Variants in TMEM9B observed in about 807,000 individuals in gnomAD.
The protein encoded by TMEM9B is TMEM9 domain family member B.
Under a neutral mutation model 23.5 loss-of-function variants are expected in TMEM9B, and 8 were observed. That is an observed-to-expected ratio of 0.34 (90% confidence interval 0.20 to 0.61). The LOEUF is 0.61. Ranked by LOEUF, TMEM9B falls within the 20% of genes least tolerant of loss-of-function variation. TMEM9B has a pLI of 0.78. For synonymous variants in TMEM9B, 106 were observed against 96.3 expected, an observed-to-expected ratio of 1.10 and a Z score of -0.59; for missense variants, 197 against 252.3, an observed-to-expected ratio of 0.78 and a Z score of 1.49.
Position 8,953,321 on chromosome 11 carries a change from T to G in TMEM9B, c.323A>C (p.Tyr108Ser), listed in dbSNP as rs975355453. ...SVTIKVTIII[Y>S]LSILGLLLLY... Reference sequence around the variant, plus strand: ...AAGTAGAAGGCCCAAAATGGAGAGATAAATTATAATGGTAACCTAAAGGAA... The same window carrying G: ...AAGTAGAAGGCCCAAAATGGAGAGAGAAATTATAATGGTAACCTAAAGGAA... Residue 108 changes from tyrosine to serine, a missense_variant, in exon 4 of 5, where the codon TAT (tyrosine) becomes TCT (serine). Tyr to Ser is a moderately radical substitution (Grantham distance 144). This residue lies in a region of TMEM9B where 141 missense variants were observed against 214.1 expected (regional missense o/e 0.66). Transcript: ENST00000534025. 4.3e-6 allele frequency: 7 copies of G among 1,613,834 alleles called. No homozygotes were observed. Among genetic ancestry groups the G allele is most frequent in the Admixed American group, 1.7e-5 (1 of 60,018 alleles).
chr11:8,964,121 G>C (rs1854138634), intron 1 of TMEM9B, 88 bp downstream of exon 1: 3 of 1,331,406 alleles, frequency 2.3e-6, no homozygotes, highest in Non-Finnish European at 3.1e-6. Flanking sequence ...TCAGGAATGG[G>C]CCAAGGAGCA....
At position 8,948,182 on chromosome 11, in the gene TMEM9B, T is replaced by G. The variant is rs1853807153; in HGVS notation, c.*138A>C. On this transcript the variant is annotated 3_prime_UTR_variant, in exon 5 of 5. Coordinates refer to ENST00000534025, the MANE Select transcript of TMEM9B (RefSeq NM_020644.3). ...TAACAAGAAAAAAAAATCAAGCAAG[T>G]TTTTGCTTCCAGTTTTGAATCTTCC... 8.9e-7 allele frequency: 1 copy of G among 1,125,832 alleles called. No individual in the cohort carries two copies. Among genetic ancestry groups the G allele is most frequent in the African/African-American group, 1.6e-5 (1 of 64,366 alleles). 69.7% of individuals were successfully genotyped at this position (1,125,832 alleles called of 1,614,324 possible).
rs1589943564 is a variant in TMEM9B at position 8,950,662 on chromosome 11, T to G, written c.442-2187A>C. ...ATTTACCCTTTTTATGTTTGTTCTT[T>G]TCACACCTGATAAAATTACAATAAA... On this transcript the variant is annotated intron_variant, in intron 4 of 4. Transcript: ENST00000534025. Among the ~76,000 whole-genome samples the G allele has an allele frequency of 2.0e-5, 3 of 152,332 alleles. No individual in the cohort carries two copies. In the Middle Eastern group the frequency reaches 0.01, roughly 518 times the overall value.
At position 8,948,385 on chromosome 11, in the gene TMEM9B, G is replaced by T. The variant is rs1389802869; in HGVS notation, c.532C>A (p.Arg178Ser). The change falls in exon 5 of 5, where the codon CGC becomes AGC. Residue 178 changes from arginine (R) to serine (S), a missense_variant. Arg to Ser is a moderately radical substitution (Grantham distance 110, BLOSUM62 -1). This residue lies in a region of TMEM9B where 141 missense variants were observed against 214.1 expected (regional missense o/e 0.66). Coordinates refer to ENST00000534025, the MANE Select transcript of TMEM9B (RefSeq NM_020644.3). ...VLNKVEYAQQ[R>S]WKLQVQEQRK... is the part of the protein sequence containing the mutation. ...TGCTCTTGGACTTGAAGCTTCCAGC[G>T]CTGCTGTGCATATTCTACCTTGTTC... 1 of 1,614,088 alleles carries T rather than the reference G, an allele frequency of 6.2e-7. No homozygotes were observed. Among genetic ancestry groups the T allele is most frequent in the Non-Finnish European group, 8.5e-7 (1 of 1,180,052 alleles).
chr11:8,964,181 G>GT, intron 1 of TMEM9B, 28 bp downstream of exon 1: 1 of 1,552,442 alleles, frequency 6.4e-7, no homozygotes, highest in East Asian at 2.4e-5. Flanking sequence ...AGGAGCTTCC[G>GT]TCAGGAGCGA....
chr11:8,960,138 G>GTTTT (rs10550659), intron 2 of TMEM9B, among the ~76,000 whole-genome samples: 3 of 83,686 alleles, frequency 3.6e-5, no homozygotes, highest in African/African-American at 1.3e-4. Flanking sequence ...CTTTGTTTCT[G>GTTTT]TTTTTTTTTT....
chr11:8,948,099 A>G lies in TMEM9B; in HGVS notation c.*221T>C. 2.2e-6 allele frequency: 1 copy of G among 444,606 alleles called. No homozygotes were observed. Among genetic ancestry groups the G allele is most frequent in the East Asian group, 3.8e-5 (1 of 26,322 alleles). The allele number at this position is 444,606 out of a possible 1,614,324, so 27.5% of individuals were successfully genotyped here. ...TTATTAGTAAAAGTCACAAATAGGA[A>G]AAGACTTATTGGCTGACTTTGAGCT... is the stretch of plus-strand genomic sequence containing the variant. On this transcript the variant is annotated 3_prime_UTR_variant, in exon 5 of 5. Transcript: ENST00000534025.
chr11:8,964,501 C>A (rs2568091), upstream of TMEM9B: 300,837 of 1,408,596 alleles, frequency 0.21, 35,855 homozygotes, highest in East Asian at 0.46. Flanking sequence ...CGCCCCGGAA[C>A]CGGTTACCAG....
At chr11:8,955,272 AC>A (rs1287831322) in intron 3 of TMEM9B, among the ~76,000 whole-genome samples, 1 of 151,922 alleles carries the variant, frequency 6.6e-6, no homozygotes, top group African/African-American at 2.4e-5. Flanking sequence ...ATACTCCACA[AC>A]CTTTTTGGCA....
At chr11:8,964,791 A>G (rs1461025911), upstream of TMEM9B, 3 of 159,112 alleles carry the variant, frequency 1.9e-5, no homozygotes, top group South Asian at 4.9e-4. Context: ...GCGGGTGCTG[A>G]GCGTGGAAAC....
intron 3 of TMEM9B, among the ~76,000 whole-genome samples, chr11:8,954,931 C>T (rs1342765803): frequency 6.6e-6 from 1 of 151,862 alleles, no homozygotes; most frequent in South Asian, 2.1e-4. Flanking sequence ...GATGGGTGGA[C>T]CACGAGGTCA....
intron 4 of TMEM9B, among the ~76,000 whole-genome samples, chr11:8,952,319 C>CGT (rs139281160): frequency 0.26 from 39,102 of 148,666 alleles, 5,849 homozygotes; most frequent in African/African-American, 0.42. Context: ...AATGTACACA[C>CGT]GTGTGTGTGT....
intron 1 of TMEM9B, 128 bp downstream of exon 1, chr11:8,964,081 G>A (rs1488570930): frequency 2.1e-6 from 2 of 930,930 alleles, no homozygotes; most frequent in Non-Finnish European, 3.1e-6. Context: ...GCGGGGGTCT[G>A]CCGGAGCTGT....
At chr11:8,953,454 C>A in intron 3 of TMEM9B, 117 bp from the exon 4 acceptor site, 1 of 958,562 alleles carries the variant, frequency 1.0e-6, no homozygotes. Flanking sequence ...TCTATACAAA[C>A]CAGATAGCAA....
intron 2 of TMEM9B, 55 bp downstream of exon 2, chr11:8,962,037 C>G (rs531453707): frequency 1.1e-5 from 12 of 1,134,076 alleles, no homozygotes; most frequent in Non-Finnish European, 1.5e-5. Context: ...TCTGGGATAA[C>G]ACTGACAACC....
chr11:8,961,709 C>T (rs567748853), intron 2 of TMEM9B, among the ~76,000 whole-genome samples: 25 of 152,330 alleles, frequency 1.6e-4, no homozygotes, highest in African/African-American at 4.3e-4. Context: ...TCATCAAAAC[C>T]TACAAGTTGT....
intron 1 of TMEM9B, chr11:8,962,623 G>C (rs995879516): frequency 1.2e-5 from 2 of 161,884 alleles, no homozygotes; most frequent in African/African-American, 4.8e-5. Flanking sequence ...CCCTCTGGTA[G>C]AAGGCACTGA....
At chr11:8,954,571 G>T (rs982966905) in intron 3 of TMEM9B, among the ~76,000 whole-genome samples, 1 of 152,072 alleles carries the variant, frequency 6.6e-6, no homozygotes, top group Admixed American at 6.6e-5. Flanking sequence ...TTATAGATGT[G>T]AGCCACCATG....
chr11:8,950,982 A>G (rs894781497), intron 4 of TMEM9B, among the ~76,000 whole-genome samples: 1 of 152,232 alleles, frequency 6.6e-6, no homozygotes, highest in Non-Finnish European at 1.5e-5. Context: ...AGCTCTGGTC[A>G]GAAAACCTCT....
Sources: allele counts gnomAD v4.1 joint callset (sites outside exome capture counted in the v4.1 genomes callset), GRCh38; gene constraint gnomAD v4.1.1; regional missense constraint gnomAD v4.1.1; transcripts MANE v1.5; gene names NCBI Gene and HGNC (gene_info 2026-07-23, HGNC 2026-07-21).